Variants in ARHGEF28 observed in about 807,000 individuals in gnomAD.
ARHGEF28 encodes 190 kDa guanine nucleotide exchange factor.
ARHGEF28 carries 152 observed loss-of-function variants against 206.6 expected under a neutral mutation model. The observed-to-expected ratio is 0.74, with a 90% CI of 0.64 to 0.84. The LOEUF (loss-of-function observed/expected upper bound fraction) is 0.84. Ranked by LOEUF, ARHGEF28 falls within the 40% of genes least tolerant of loss-of-function variation. The pLI is 0.00. For synonymous variants in ARHGEF28, 763 were observed against 776.4 expected, an observed-to-expected ratio of 0.98 and a Z score of 0.29; for missense variants, 2,028 against 2,073.2, an observed-to-expected ratio of 0.98 and a Z score of 0.42.
chr5:73,887,995 G>A lies in ARHGEF28; in HGVS notation c.3387+316G>A, dbSNP rs568806679. 5.2e-4 allele frequency among the ~76,000 whole-genome samples: 79 copies of A among 152,234 alleles called. 1 individual carries two copies. Among genetic ancestry groups the A allele is most frequent in the South Asian group, 4.1e-4 (2 of 4,822 alleles). On this transcript the variant is annotated intron_variant, in intron 26 of 35. Transcript: ENST00000513042. ...CCCTGAGCCTCCCAAATGTCCCCACGCCATCTAGCTATCTTGGTCTTTCCT... is the reference window on the plus strand; with the variant it reads ...CCCTGAGCCTCCCAAATGTCCCCACACCATCTAGCTATCTTGGTCTTTCCT...
chr5:73,840,832 G>GT (rs1412071398), intron 11 of ARHGEF28, 72 bp downstream of exon 11: 5 of 1,449,464 alleles, frequency 3.4e-6, no homozygotes, highest in Non-Finnish European at 4.6e-6. Context: ...AAAAATTCTA[G>GT]TTTTAAACTT....
chr5:73,692,589 C>G (rs537678973), intron 2 of ARHGEF28, among the ~76,000 whole-genome samples: 1 of 152,144 alleles, frequency 6.6e-6, no homozygotes, highest in Non-Finnish European at 1.5e-5. Context: ...AATCTGATGT[C>G]TAGAGGTAGT....
chr5:73,928,087 T>C (rs1182060956), intron 35 of ARHGEF28, among the ~76,000 whole-genome samples: 1 of 152,216 alleles, frequency 6.6e-6, no homozygotes, highest in Non-Finnish European at 1.5e-5. Flanking sequence ...CCAGAATAGG[T>C]ATGTAAGTTC....
chr5:73,687,512 G>T (rs1034436672), intron 2 of ARHGEF28, among the ~76,000 whole-genome samples: 2 of 152,014 alleles, frequency 1.3e-5, no homozygotes, highest in African/African-American at 4.8e-5. Flanking sequence ...GAGGTCATTA[G>T]AGATATGTCA....
chr5:73,632,351 T>G (rs992930626), intron 1 of ARHGEF28, among the ~76,000 whole-genome samples: 1 of 152,162 alleles, frequency 6.6e-6, no homozygotes, highest in Admixed American at 6.5e-5. Flanking sequence ...AAAATCTGAG[T>G]CTTTGGATTG....
At chr5:73,696,168 G>C (rs1748197620) in intron 2 of ARHGEF28, among the ~76,000 whole-genome samples, 1 of 152,198 alleles carries the variant, frequency 6.6e-6, no homozygotes, top group Non-Finnish European at 1.5e-5. Flanking sequence ...TTGAGGGGAG[G>C]CAAGCTTGCT....
At chr5:73,652,925 T>C (rs1744924765) in intron 1 of ARHGEF28, among the ~76,000 whole-genome samples, 1 of 152,128 alleles carries the variant, frequency 6.6e-6, no homozygotes, top group African/African-American at 2.4e-5. Flanking sequence ...TGCCTCAGGG[T>C]GCAAGGGACA....
At chr5:73,731,292 C>T (rs1750609903) in intron 2 of ARHGEF28, among the ~76,000 whole-genome samples, 1 of 152,116 alleles carries the variant, frequency 6.6e-6, no homozygotes, top group South Asian at 2.1e-4. Context: ...TCTATCTTGT[C>T]AGGAATGAGA....
At chr5:73,755,719 TGG>T (rs1184126343) in intron 4 of ARHGEF28, among the ~76,000 whole-genome samples, 2 of 152,318 alleles carry the variant, frequency 1.3e-5, no homozygotes, top group East Asian at 3.9e-4. Flanking sequence ...TTATTTTTGC[TGG>T]TAGAGATACA....
intron 34 of ARHGEF28, among the ~76,000 whole-genome samples, chr5:73,910,641 A>G (rs930502474): frequency 1.3e-5 from 2 of 152,164 alleles, no homozygotes; most frequent in African/African-American, 4.8e-5. Flanking sequence ...CTATGAATAT[A>G]TACTATAGGC....
intron 35 of ARHGEF28, among the ~76,000 whole-genome samples, chr5:73,930,864 G>T (rs553302454): frequency 6.6e-6 from 1 of 152,016 alleles, no homozygotes; most frequent in Non-Finnish European, 1.5e-5. Flanking sequence ...CTGTACTTCT[G>T]TTCCAATATG....
At chr5:73,904,048 T>G in intron 31 of ARHGEF28, 174 bp from the exon 32 acceptor site, 1 of 630,998 alleles carries the variant, frequency 1.6e-6, no homozygotes, top group South Asian at 2.3e-5. Context: ...TGTCAAGTGT[T>G]TGTTTGATTC....
At chr5:73,934,668 G>A (rs1174883889) in intron 35 of ARHGEF28, among the ~76,000 whole-genome samples, 2 of 152,078 alleles carry the variant, frequency 1.3e-5, no homozygotes, top group African/African-American at 2.4e-5. Context: ...GGAACACAAC[G>A]CTGTCGGGTA....
At chr5:73,768,423 A>G (rs1206383485) in intron 4 of ARHGEF28, among the ~76,000 whole-genome samples, 1 of 152,202 alleles carries the variant, frequency 6.6e-6, no homozygotes, top group Non-Finnish European at 1.5e-5. Flanking sequence ...ACCATGGGAA[A>G]CCACCTCTTG....
chr5:73,742,047 C>CTTTTTTTT (rs796868990), intron 2 of ARHGEF28, among the ~76,000 whole-genome samples: 1 of 152,086 alleles, frequency 6.6e-6, no homozygotes, highest in Admixed American at 6.6e-5. Flanking sequence ...TCAACTGACT[C>CTTTTTTTT]TTTTTATGAT....
intron 1 of ARHGEF28, among the ~76,000 whole-genome samples, chr5:73,654,477 G>T (rs986027265): frequency 6.6e-6 from 1 of 152,206 alleles, no homozygotes; most frequent in African/African-American, 2.4e-5. Context: ...TGAATCTTTA[G>T]TCGTGGGCCT....
In ARHGEF28 at chr5:73,857,774, T is replaced by C; in HGVS notation, c.1909T>C (p.Ser637Pro). 1 of 1,611,728 alleles carries C rather than the reference T, an allele frequency of 6.2e-7. No individual in the cohort carries two copies. Among genetic ancestry groups the C allele is most frequent in the South Asian group, 1.1e-5 (1 of 90,540 alleles). ...TAGGATGACTAGCCCTCGGAATAAA[T>C]CAAAGGTAATTAAAGTGATTCACTT... ...MNRMTSPRNK[S>P]KTKSKDAKDK... Residue 637 changes from serine (S) to proline (P), a missense_variant, in exon 15 of 36, where the codon TCA becomes CCA. Ser to Pro is a moderately conservative substitution (Grantham distance 74, BLOSUM62 -1). Around this residue, in one of 3 missense-constraint regions of ARHGEF28, gnomAD observed 1,002 missense variants for 1,015.3 expected, o/e 0.99. Coordinates refer to ENST00000513042, the MANE Select transcript of ARHGEF28 (RefSeq NM_001177693.2).
intron 35 of ARHGEF28, among the ~76,000 whole-genome samples, chr5:73,932,472 A>G (rs1220101699): frequency 6.6e-6 from 1 of 152,186 alleles, no homozygotes; most frequent in Non-Finnish European, 1.5e-5. Context: ...AGGAAATGGA[A>G]GTTCCAGGTA....
At chr5:73,927,363 T>C (rs1763878366) in intron 35 of ARHGEF28, among the ~76,000 whole-genome samples, 1 of 152,180 alleles carries the variant, frequency 6.6e-6, no homozygotes, top group Admixed American at 6.5e-5. Context: ...AAAACAAGAC[T>C]GTCTTAAAAA....
Sources: allele counts gnomAD v4.1 joint callset (sites outside exome capture counted in the v4.1 genomes callset), GRCh38; gene constraint gnomAD v4.1.1; regional missense constraint gnomAD v4.1.1; transcripts MANE v1.5; gene names NCBI Gene and HGNC (gene_info 2026-07-23, HGNC 2026-07-21).